DDO: variants seen among roughly 807,000 people sequenced by gnomAD.
DDO encodes D-aspartate oxidase, also known as D-aspartate oxidase, DDO.
A neutral mutation model predicts 16.8 loss-of-function variants in DDO; 16 were observed. That is an observed-to-expected ratio of 0.95 (90% CI 0.65 to 1.45). The LOEUF (loss-of-function observed/expected upper bound fraction) is 1.45. DDO is among the 40% of genes most tolerant of loss of function. The pLI is 0.00. For missense variants in DDO, 429 were observed against 420.3 expected (o/e 1.02, Z -0.18); for synonymous variants, 180 against 167.2 (o/e 1.08, Z -0.59).
chr6:110,400,296 ACT>A (rs1463574884), intron 4 of DDO, among the ~76,000 whole-genome samples: 6 of 148,312 alleles, frequency 4.0e-5, no homozygotes, highest in Non-Finnish European at 5.9e-5. Context: ...GAGCTAAAAC[ACT>A]CTCTCTCGGA....
At chr6:110,402,589 C>T (rs774376119) in intron 4 of DDO, among the ~76,000 whole-genome samples, 40 of 152,118 alleles carry the variant, frequency 2.6e-4, no homozygotes, top group Non-Finnish European at 4.3e-4. Flanking sequence ...CACTTGAACC[C>T]GGGAGGTTGC....
chr6:110,405,798 G>A (rs1184406618), intron 3 of DDO, among the ~76,000 whole-genome samples: 2 of 152,058 alleles, frequency 1.3e-5, no homozygotes, highest in Non-Finnish European at 2.9e-5. Flanking sequence ...AGCTATTGGG[G>A]AGACTGAAGT....
chr6:110,389,787 G>T (rs1457661403), downstream of DDO, among the ~76,000 whole-genome samples: 1 of 152,182 alleles, frequency 6.6e-6, no homozygotes, highest in Non-Finnish European at 1.5e-5. Flanking sequence ...TGTTACAGAA[G>T]TTATTGTTTA....
At chr6:110,389,831 G>T (rs931373458), downstream of DDO, among the ~76,000 whole-genome samples, 8 of 152,162 alleles carry the variant, frequency 5.3e-5, no homozygotes, top group Admixed American at 4.6e-4. Flanking sequence ...TGGCAATATG[G>T]CTTCCTGCAA....
At position 110,413,399 on chromosome 6, in the gene DDO, T is replaced by C; in HGVS notation, c.64A>G (p.Ile22Val). 1 of 1,614,066 alleles carries C rather than the reference T, an allele frequency of 6.2e-7. No homozygotes were observed. The highest frequency in any genetic ancestry group is 2.2e-5 in the East Asian group (1 of 44,872). ...GAGCATCGGGGCACCAGTTTGGAGA[T>C]GCACACAGCCGTGGAGAGCCCCACC... is the stretch of plus-strand genomic sequence containing the variant. ...GVVGLSTAVC[I>V]SKLVPRCSVT... Residue 22 changes from isoleucine to valine, a missense_variant, in exon 2 of 5, where the codon ATC becomes GTC. Transcript: ENST00000368924.
rs758490306 is a variant in DDO at position 110,404,896 on chromosome 6, C to G, written c.336G>C (p.Val112=). ...PTEEVPFWAD[V]VLGFRKMTEA... ...CAGTCATCTTTCGAAATCCCAGAAC[C>G]ACGTCAGCCCAGAATGGCACTTCTT... Residue 112 remains valine (V), a synonymous_variant, in exon 4 of 5, where the codon GTG becomes GTC. Transcript: ENST00000368924. 3 of 1,614,196 alleles carry G rather than the reference C, an allele frequency of 1.9e-6. No individual in the cohort carries two copies. Among genetic ancestry groups the G allele is most frequent in the East Asian group, 2.2e-5 (1 of 44,884 alleles).
chr6:110,415,033 C>T (rs1773999814), intron 1 of DDO, among the ~76,000 whole-genome samples: 1 of 152,216 alleles, frequency 6.6e-6, no homozygotes, highest in African/African-American at 2.4e-5. Context: ...ATTCCTCGAG[C>T]AGTCTATGCA....
chr6:110,393,636 C>T (rs536918906), intron 4 of DDO, among the ~76,000 whole-genome samples: 2 of 152,346 alleles, frequency 1.3e-5, no homozygotes, highest in African/African-American at 2.4e-5. Context: ...ATTCTAGATG[C>T]TGAATAAATG....
intron 4 of DDO, among the ~76,000 whole-genome samples, chr6:110,396,887 G>T (rs914109140): frequency 6.6e-6 from 1 of 152,162 alleles, no homozygotes; most frequent in Non-Finnish European, 1.5e-5. Flanking sequence ...TAACTGTAAA[G>T]GTTGTTTTTC....
In DDO at chr6:110,413,172, G is replaced by GA. The variant is rs1046556805; in HGVS notation, c.172+118dup. 319 of 1,195,398 alleles carry GA rather than the reference G, an allele frequency of 2.7e-4. 1 individual carries two copies. Among genetic ancestry groups the GA allele is most frequent in the Non-Finnish European group, 3.5e-4 (304 of 863,972 alleles). The allele number at this position is 1,195,398 out of a possible 1,614,324, so 74.0% of individuals were successfully genotyped here. A position where few individuals can be genotyped will look rare whatever the true frequency, so the allele number is the denominator to read the frequency against. ...AAAGAGAAAAAGAGGAAAGGAAAAA[G>GA]AAAAAAACCTGCATATTACACTTAC... On this transcript the variant is annotated intron_variant, in intron 2 of 4. Transcript: ENST00000368924.
chr6:110,400,774 C>T (rs1333775310), intron 4 of DDO, among the ~76,000 whole-genome samples: 2 of 152,268 alleles, frequency 1.3e-5, no homozygotes, highest in East Asian at 3.9e-4. Context: ...TACCCATAAG[C>T]TCAAGGCTAT....
chr6:110,391,132 T>C (rs888715068), downstream of DDO, among the ~76,000 whole-genome samples: 1 of 152,208 alleles, frequency 6.6e-6, no homozygotes, highest in Non-Finnish European at 1.5e-5. Context: ...TGGGCTTCTC[T>C]CACTGTCTAC....
rs1773130598 is a variant in DDO, at chr6:110,392,528, T to C, written c.*247A>G. 2 of 1,193,426 alleles carry C rather than the reference T, an allele frequency of 1.7e-6. No individual in the cohort carries two copies. 73.9% of individuals were successfully genotyped at this position (1,193,426 alleles called of 1,614,324 possible). On this transcript the variant is annotated 3_prime_UTR_variant, in exon 5 of 5. Transcript: ENST00000368924. ...TGGTGTTTTTTTTAGAGGTGGGAAC[T>C]GGCACCTCTAAAAAATGTTACCCAG...
In DDO at chr6:110,392,242, G is replaced by T; in HGVS notation, c.*533C>A. 5 of 985,452 alleles carry T rather than the reference G, an allele frequency of 5.1e-6. No homozygotes were observed. The highest frequency in any genetic ancestry group is 1.7e-5 in the African/African-American group (1 of 57,346). 61.0% of individuals were successfully genotyped at this position (985,452 alleles called of 1,614,324 possible). The stretch of plus-strand genomic sequence containing the variant: ...TGCTGACTTGGCTATAACCTAAGAA[G>T]ATCACAGGCAGCTCTGCAATTGACA... On this transcript the variant is annotated 3_prime_UTR_variant, in exon 5 of 5. Coordinates refer to ENST00000368924, the MANE Select transcript of DDO (RefSeq NM_001372108.2).
chr6:110,406,288 C>G (rs951933901), intron 3 of DDO, among the ~76,000 whole-genome samples: 1 of 152,168 alleles, frequency 6.6e-6, no homozygotes, highest in African/African-American at 2.4e-5. Flanking sequence ...CACACATGCA[C>G]GCATGCATGC....
intron 4 of DDO, among the ~76,000 whole-genome samples, chr6:110,394,552 G>A (rs749659425): frequency 5.3e-5 from 8 of 152,210 alleles, no homozygotes; most frequent in Non-Finnish European, 1.0e-4. Context: ...CCGAATGCTT[G>A]CATGCGGGGC....
chr6:110,392,929 A>G lies in DDO; in HGVS notation c.872T>C (p.Leu291Pro). ...AGGCAGCCTCTGTCCATCTCGCGCA[A>G]GGAGCTCTGTCTGCAGTCGCACGCC... is the stretch of plus-strand genomic sequence containing the variant. ...RPGVRLQTEL[L>P]ARDGQRLPVV... Residue 291 changes from leucine to proline, a missense_variant, in exon 5 of 5, where the codon CTT becomes CCT. By Grantham distance (98) the Leu-to-Pro change is moderately conservative. Coordinates refer to ENST00000368924, the MANE Select transcript of DDO (RefSeq NM_001372108.2). 1 of 1,614,246 alleles carries G rather than the reference A, an allele frequency of 6.2e-7. No homozygotes were observed. Among genetic ancestry groups the G allele is most frequent in the Non-Finnish European group, 8.5e-7 (1 of 1,180,034 alleles).
downstream of DDO, chr6:110,391,670 C>T (rs530030829): frequency 6.6e-6 from 1 of 152,250 alleles, no homozygotes; most frequent in African/African-American, 2.4e-5. Flanking sequence ...AGCCTCTTTA[C>T]TTCAATACCA....
intron 4 of DDO, among the ~76,000 whole-genome samples, chr6:110,403,169 T>G (rs1773537289): frequency 6.6e-6 from 1 of 152,248 alleles, no homozygotes; most frequent in Non-Finnish European, 1.5e-5. Flanking sequence ...GAAAGGAAAC[T>G]CTGCCATTTT....
Sources: allele counts gnomAD v4.1 joint callset (sites outside exome capture counted in the v4.1 genomes callset), GRCh38; gene constraint gnomAD v4.1.1; transcripts MANE v1.5; gene names NCBI Gene and HGNC (gene_info 2026-07-23, HGNC 2026-07-21).